Variants in MTUS2 observed in about 807,000 individuals in gnomAD.
MTUS2 encodes the protein microtubule associated scaffold protein 2.
In MTUS2, 40 loss-of-function variants were observed where a neutral mutation model predicts 114.1. The observed-to-expected ratio is 0.35, with a 90% CI of 0.27 to 0.46. The LOEUF (loss-of-function observed/expected upper bound fraction) is 0.46. MTUS2 is among the 20% of genes least tolerant of loss of function. MTUS2 has a pLI of 1.00. For synonymous variants in MTUS2, 688 were observed against 672.0 expected, an observed-to-expected ratio of 1.02 and a Z score of -0.37; for missense variants, 1,679 against 1,705.4, an observed-to-expected ratio of 0.98 and a Z score of 0.27.
intron 8 of MTUS2, among the ~76,000 whole-genome samples, chr13:29,375,978 C>T (rs1871693128): frequency 1.3e-5 from 2 of 151,184 alleles, no homozygotes; most frequent in Admixed American, 6.6e-5. Flanking sequence ...CACTAATACC[C>T]CACAAGCTAT....
intron 5 of MTUS2, among the ~76,000 whole-genome samples, chr13:29,118,421 T>G (rs1198818306): frequency 2.6e-5 from 4 of 152,138 alleles, no homozygotes; most frequent in African/African-American, 7.2e-5. Flanking sequence ...AGGCACTGAA[T>G]GTAGCACCAT....
At chr13:29,121,159 C>G (rs1891290258) in intron 5 of MTUS2, among the ~76,000 whole-genome samples, 1 of 152,170 alleles carries the variant, frequency 6.6e-6, no homozygotes, top group Non-Finnish European at 1.5e-5. Context: ...ATAAATCTCA[C>G]TTATCCCTAA....
Position 29,025,406 on chromosome 13 carries a change from A to G in MTUS2, c.708A>G (p.Ser236=). The change falls in exon 3 of 16, where the codon TCA becomes TCG. Residue 236 remains serine (S), a synonymous_variant. Transcript: ENST00000612955. ...CTTTCCCTGCAACTGACAGTACCTC[A>G]GAGGGAAAGAGTGTGCGTCATCCTA... ...PAAFPATDST[S]EGKSVRHPKP... The G allele has an allele frequency of 6.2e-7, 1 of 1,613,852 alleles. No homozygotes were observed. The highest frequency in any genetic ancestry group is 1.1e-5 in the South Asian group (1 of 91,032).
intron 6 of MTUS2, among the ~76,000 whole-genome samples, chr13:29,314,333 A>G (rs1261856234): frequency 3.3e-5 from 5 of 152,228 alleles, no homozygotes; most frequent in Non-Finnish European, 7.3e-5. Flanking sequence ...AGCAATATAT[A>G]CATAGAAAAC....
At chr13:28,890,072 C>T (rs1878826697) in intron 2 of MTUS2, among the ~76,000 whole-genome samples, 2 of 152,244 alleles carry the variant, frequency 1.3e-5, no homozygotes, top group Admixed American at 6.5e-5. Flanking sequence ...AGTGTTGTCC[C>T]TGGAACATCC....
intron 5 of MTUS2, among the ~76,000 whole-genome samples, chr13:29,136,041 G>C (rs1891964516): frequency 6.6e-6 from 1 of 152,162 alleles, no homozygotes; most frequent in Admixed American, 6.5e-5. Context: ...AAAAAGTTGA[G>C]TTATGCATCA....
At chr13:29,077,180 A>T (rs1293096178) in intron 4 of MTUS2, among the ~76,000 whole-genome samples, 1 of 152,102 alleles carries the variant, frequency 6.6e-6, no homozygotes, top group Non-Finnish European at 1.5e-5. Flanking sequence ...CCTTTGGGAG[A>T]GCTGTAGCCC....
intron 10 of MTUS2, among the ~76,000 whole-genome samples, chr13:29,481,601 C>T (rs1342136317): frequency 6.6e-6 from 1 of 152,208 alleles, no homozygotes; most frequent in Non-Finnish European, 1.5e-5. Flanking sequence ...CCCTCCTCGG[C>T]TGCTTCCAAA....
chr13:29,085,962 A>G (rs1041573751), intron 4 of MTUS2, among the ~76,000 whole-genome samples: 3 of 152,090 alleles, frequency 2.0e-5, no homozygotes, highest in African/African-American at 7.2e-5. Context: ...ACTGATTTTT[A>G]AAAAAGAGCC....
chr13:28,880,280 C>A (rs1878210732), intron 2 of MTUS2, among the ~76,000 whole-genome samples: 1 of 152,162 alleles, frequency 6.6e-6, no homozygotes, highest in African/African-American at 2.4e-5. Context: ...ATTTGCATAT[C>A]ACTCCAGGCT....
At chr13:29,293,510 C>T (rs1898805260) in intron 6 of MTUS2, among the ~76,000 whole-genome samples, 1 of 152,068 alleles carries the variant, frequency 6.6e-6, no homozygotes, top group Non-Finnish European at 1.5e-5. Context: ...TAAATTGGTA[C>T]ACTCTTTTGA....
At chr13:29,331,910 G>T (rs377028254) in intron 7 of MTUS2, among the ~76,000 whole-genome samples, 2 of 152,150 alleles carry the variant, frequency 1.3e-5, no homozygotes, top group Non-Finnish European at 2.9e-5. Flanking sequence ...GGATAAAGCC[G>T]AGTTGATCAT....
In MTUS2 at chr13:29,207,084, C is replaced by T. The variant is rs558337369; in HGVS notation, c.2645-74620C>T. Among the ~76,000 whole-genome samples the T allele has an allele frequency of 6.6e-5, 10 of 152,096 alleles. No individual in the cohort carries two copies. In the East Asian group the frequency reaches 7.7e-4, roughly 12 times the overall value. ...TGTTTGTGTCATCTGTGATTTTTTT[C>T]GGCAGTGTTTTATAGTTTTCTTTGT... is the stretch of plus-strand genomic sequence containing the variant. On this transcript the variant is annotated intron_variant, in intron 5 of 15. Coordinates refer to ENST00000612955, the MANE Select transcript of MTUS2 (RefSeq NM_001033602.4).
At chr13:29,207,223 A>G (rs1895226739) in intron 5 of MTUS2, among the ~76,000 whole-genome samples, 1 of 152,008 alleles carries the variant, frequency 6.6e-6, no homozygotes, top group South Asian at 2.1e-4. Context: ...ATTGATTGTC[A>G]GCTTGGTTGC....
chr13:29,002,582 T>C (rs953079513), intron 2 of MTUS2, among the ~76,000 whole-genome samples: 2 of 152,282 alleles, frequency 1.3e-5, no homozygotes, highest in Non-Finnish European at 2.9e-5. Context: ...AAAATTAAAG[T>C]AAAAAGTGAG....
intron 5 of MTUS2, among the ~76,000 whole-genome samples, chr13:29,176,208 A>G: frequency 6.6e-6 from 1 of 152,102 alleles, no homozygotes; most frequent in East Asian, 1.9e-4. Context: ...AGACTCCCTG[A>G]CTGTACTGCT....
chr13:28,829,064 CAAAAT>C (rs1308687176), intron 1 of MTUS2, among the ~76,000 whole-genome samples: 5 of 152,192 alleles, frequency 3.3e-5, no homozygotes, highest in Admixed American at 6.5e-5. Flanking sequence ...GCAAAAATAT[CAAAAT>C]AAACCATTTT....
At chr13:29,103,628 T>C (rs1307176208) in intron 5 of MTUS2, among the ~76,000 whole-genome samples, 1 of 152,172 alleles carries the variant, frequency 6.6e-6, no homozygotes, top group Non-Finnish European at 1.5e-5. Context: ...AGGGCTATCC[T>C]GGAGGCCTGG....
intron 2 of MTUS2, among the ~76,000 whole-genome samples, chr13:28,991,757 T>C (rs974846440): frequency 6.6e-6 from 1 of 152,180 alleles, no homozygotes; most frequent in African/African-American, 2.4e-5. Context: ...CCTGGCTACT[T>C]CTTATCCTTT....
Sources: gnomAD v4.1 joint callset for allele counts (sites outside exome capture counted in the v4.1 genomes callset) on GRCh38, gnomAD v4.1.1 for gene constraint, MANE v1.5 for transcripts, NCBI Gene and HGNC (gene_info 2026-07-23, HGNC 2026-07-21) for gene names.